LAMA2: variants seen among roughly 807,000 people sequenced by gnomAD.
The protein encoded by LAMA2 is laminin subunit alpha-2.
A neutral mutation model predicts 364.8 loss-of-function variants in LAMA2; 269 were observed. The observed-to-expected ratio is 0.74, with a 90% CI of 0.67 to 0.82. The LOEUF (loss-of-function observed/expected upper bound fraction) is 0.82, where lower values mean the gene tolerates loss of function less well. LAMA2 is among the 40% of genes least tolerant of loss of function. The probability of loss-of-function intolerance (pLI) is 0.00; values close to 1 mark genes in which losing one functional copy is unlikely to be tolerated. For synonymous variants in LAMA2, 1,379 were observed against 1,370.6 expected (o/e 1.01, Z -0.14); for missense variants, 3,807 against 3,873.2 (o/e 0.98, Z 0.45).
intron 2 of LAMA2, among the ~76,000 whole-genome samples, chr6:129,058,923 T>C (rs992486690): frequency 6.6e-6 from 1 of 152,172 alleles, no homozygotes; most frequent in African/African-American, 2.4e-5. Context: ...TAAATGATTT[T>C]TTAGGGGAAT....
chr6:128,982,087 A>T (rs927597434), intron 1 of LAMA2, among the ~76,000 whole-genome samples: 7 of 152,280 alleles, frequency 4.6e-5, no homozygotes, highest in African/African-American at 1.7e-4. Context: ...TAGCTTTTTT[A>T]TACTGAGAAA....
intron 12 of LAMA2, among the ~76,000 whole-genome samples, chr6:129,231,143 CA>C (rs2115129807): frequency 6.6e-6 from 1 of 151,986 alleles, no homozygotes; most frequent in South Asian, 2.1e-4. Context: ...ATATGTTCCC[CA>C]AAGCAAGGCT....
chr6:129,436,683 A>G (rs542660436), intron 41 of LAMA2, among the ~76,000 whole-genome samples: 1 of 152,220 alleles, frequency 6.6e-6, no homozygotes, highest in South Asian at 2.1e-4. Flanking sequence ...GTCCACTAGC[A>G]CTCTTGTGAA....
chr6:129,250,261 TA>T, intron 13 of LAMA2, 48 bp downstream of exon 13: 1 of 1,147,300 alleles, frequency 8.7e-7, no homozygotes, highest in East Asian at 2.3e-5. Context: ...TGATGTTACT[TA>T]AGGTTACCAG....
chr6:129,440,007 G>A lies in LAMA2; in HGVS notation c.6086-809G>A, dbSNP rs532288493. ...TGTCTTCTGTGTATAACATAAGTTA[G>A]CACTAACACTTAACATCAGTTAAGA... On this transcript the variant is annotated intron_variant, in intron 42 of 64. Coordinates refer to ENST00000421865, the MANE Select transcript of LAMA2 (RefSeq NM_000426.4). 5.4e-4 allele frequency among the ~76,000 whole-genome samples: 82 copies of A among 151,978 alleles called. No individual in the cohort carries two copies. The Middle Eastern group carries it at 0.01, about 19-fold the overall frequency.
chr6:129,060,407 G>A (rs1479407090), intron 3 of LAMA2, among the ~76,000 whole-genome samples: 2 of 152,196 alleles, frequency 1.3e-5, no homozygotes, highest in Non-Finnish European at 2.9e-5. Context: ...ATACAAAATT[G>A]ATGCCGGAAG....
At chr6:128,909,077 AGGTGT>A (rs1453128517) in intron 1 of LAMA2, among the ~76,000 whole-genome samples, 2 of 149,602 alleles carry the variant, frequency 1.3e-5, no homozygotes, top group Non-Finnish European at 3.0e-5. Flanking sequence ...ATTTTGGAAT[AGGTGT>A]GGTGTGGTGC....
At chr6:129,493,128 C>T (rs189013979) in intron 58 of LAMA2, among the ~76,000 whole-genome samples, 1 of 152,194 alleles carries the variant, frequency 6.6e-6, no homozygotes, top group African/African-American at 2.4e-5. Flanking sequence ...GTACTCCAGC[C>T]TGGGCAACAG....
chr6:128,896,484 T>C (rs1335696391), intron 1 of LAMA2, among the ~76,000 whole-genome samples: 2 of 152,240 alleles, frequency 1.3e-5, no homozygotes, highest in Non-Finnish European at 2.9e-5. Flanking sequence ...TTTATTGCTT[T>C]TGTAAATAGC....
intron 58 of LAMA2, among the ~76,000 whole-genome samples, chr6:129,497,248 ATTCT>A (rs1008087721): frequency 1.1e-4 from 16 of 151,894 alleles, no homozygotes; most frequent in South Asian, 4.2e-4. Context: ...CAGAATTTAG[ATTCT>A]TTATTTTTTT....
intron 18 of LAMA2, among the ~76,000 whole-genome samples, chr6:129,287,415 C>T (rs898587970): frequency 7.9e-5 from 12 of 152,106 alleles, no homozygotes; most frequent in African/African-American, 2.7e-4. Context: ...CCTTGCGAGC[C>T]TGTTTCCTCA....
chr6:129,121,822 T>G (rs921624038), intron 4 of LAMA2, among the ~76,000 whole-genome samples: 1 of 152,186 alleles, frequency 6.6e-6, no homozygotes, highest in Non-Finnish European at 1.5e-5. Context: ...TAATTAAAAT[T>G]AACGAGTCAA....
chr6:129,272,540 G>A (rs1036163336), intron 17 of LAMA2, among the ~76,000 whole-genome samples: 14 of 152,066 alleles, frequency 9.2e-5, no homozygotes, highest in Non-Finnish European at 1.8e-4. Context: ...AATCTCTACG[G>A]TCTACAATGA....
At chr6:129,144,116 G>T (rs771700086) in intron 5 of LAMA2, 36 bp downstream of exon 5, 9 of 1,505,276 alleles carry the variant, frequency 6.0e-6, no homozygotes, top group Admixed American at 3.4e-5. Context: ...GCCTACAAAT[G>T]ATATCCCACT....
At chr6:128,902,953 T>G (rs773454108) in intron 1 of LAMA2, among the ~76,000 whole-genome samples, 1 of 152,226 alleles carries the variant, frequency 6.6e-6, no homozygotes, top group Non-Finnish European at 1.5e-5. Context: ...AACTCATTTT[T>G]GCATTCTATT....
rs71028142 is a variant in LAMA2 at position 129,048,553 on chromosome 6, C to CTTTCTTTCTTTCTT, written c.113-1364_113-1363insTTCTTTCTTTCTTT. On this transcript the variant is annotated intron_variant, in intron 1 of 64. Transcript: ENST00000421865. ...CCTTCCTTCCTTCCTTTCTTTCTTT[C>CTTTCTTTCTTTCTT]TCTCTCTCTCTCTCTTTCTTTCTCC... Among the ~76,000 whole-genome samples the CTTTCTTTCTTTCTT allele has an allele frequency of 2.6e-3, 126 of 48,860 alleles. 1 individual carries two copies. The highest frequency in any genetic ancestry group is 5.0e-3 in the African/African-American group (87 of 17,452). The allele number at this position is 48,860 out of a possible 152,430, so 32.1% of individuals were successfully genotyped here.
At chr6:129,044,637 A>G (rs888663683) in intron 1 of LAMA2, among the ~76,000 whole-genome samples, 14 of 151,808 alleles carry the variant, frequency 9.2e-5, no homozygotes, top group East Asian at 3.8e-4. Flanking sequence ...TAAAATACAT[A>G]GTATAAACAG....
At chr6:128,921,681 T>C (rs1050914034) in intron 1 of LAMA2, among the ~76,000 whole-genome samples, 17 of 151,360 alleles carry the variant, frequency 1.1e-4, no homozygotes, top group Non-Finnish European at 2.2e-4. Context: ...CCTCCTGAAC[T>C]GTGAAATGAA....
chr6:129,506,902 A>G (rs1786127927), intron 61 of LAMA2, among the ~76,000 whole-genome samples: 2 of 152,236 alleles, frequency 1.3e-5, no homozygotes, highest in Middle Eastern at 6.8e-3. Flanking sequence ...ATTTCTAAAA[A>G]CAGATAAAAT....
Sources: gnomAD v4.1 joint callset for allele counts (sites outside exome capture counted in the v4.1 genomes callset) on GRCh38, gnomAD v4.1.1 for gene constraint, MANE v1.5 for transcripts, NCBI Gene and HGNC (gene_info 2026-07-23, HGNC 2026-07-21) for gene names.